The following CD300E variants were observed in gnomAD, a reference collection of about 807,000 sequenced individuals.
CD300E encodes the protein CD300e molecule, also known as CMRF35-like molecule 2.
In CD300E, 14 loss-of-function variants were observed where a neutral mutation model predicts 20.9. The observed-to-expected ratio is 0.67, with a 90% CI of 0.44 to 1.05. The LOEUF (loss-of-function observed/expected upper bound fraction) is 1.05. Ranked by LOEUF, CD300E falls within the 50% of genes least tolerant of loss-of-function variation. The probability of loss-of-function intolerance (pLI) is 0.00; values close to 1 mark genes in which losing one functional copy is unlikely to be tolerated. For missense variants in CD300E, 237 were observed against 253.9 expected, an observed-to-expected ratio of 0.93 and a Z score of 0.45; for synonymous variants, 102 against 103.7, an observed-to-expected ratio of 0.98 and a Z score of 0.10.
In CD300E at chr17:74,623,677, A is replaced by G. The variant is rs760947974; in HGVS notation, c.-56T>C. On this transcript the variant is annotated 5_prime_UTR_variant, in exon 1 of 4. Transcript: ENST00000392619. ...AAATCTAGGTCCCAGCTGGAATCCA[A>G]GTATATGTAACGGAGCCTGGGTCAT... The G allele has an allele frequency of 9.4e-6, 15 of 1,592,284 alleles. No homozygotes were observed. Among genetic ancestry groups the G allele is most frequent in the Admixed American group, 5.0e-5 (3 of 59,972 alleles).
chr17:74,613,237 T>C (rs2030823289), intron 3 of CD300E, among the ~76,000 whole-genome samples: 1 of 152,216 alleles, frequency 6.6e-6, no homozygotes, highest in Non-Finnish European at 1.5e-5. Context: ...CCTGAGTAGC[T>C]GGGACTACAG....
chr17:74,616,783 C>G (rs2030909708), intron 2 of CD300E, among the ~76,000 whole-genome samples: 1 of 152,144 alleles, frequency 6.6e-6, no homozygotes, highest in Non-Finnish European at 1.5e-5. Context: ...GAGGAGGCTG[C>G]AAATGTACAG....
chr17:74,609,898 A>C lies in CD300E; in HGVS notation c.*2755T>G, dbSNP rs1180905638. The C allele has an allele frequency of 6.6e-6, 1 of 152,274 alleles. No individual in the cohort carries two copies. Among genetic ancestry groups the C allele is most frequent in the East Asian group, 1.9e-4 (1 of 5,202 alleles). The allele number at this position is 152,274 out of a possible 1,614,324, so 9.4% of individuals were successfully genotyped here. A position where few individuals can be genotyped will look rare whatever the true frequency, so the allele number is the denominator to read the frequency against. Reference sequence around the variant, plus strand: ...CAATGCACCATAGACACACAATAAAAGTTTATTGAATGAATGAGTAAATAA... The same window carrying C: ...CAATGCACCATAGACACACAATAAACGTTTATTGAATGAATGAGTAAATAA... On this transcript the variant is annotated 3_prime_UTR_variant, in exon 4 of 4. Transcript: ENST00000392619.
intron 1 of CD300E, 43 bp downstream of exon 1, chr17:74,623,539 G>A: frequency 1.7e-5 from 27 of 1,606,744 alleles, no homozygotes; most frequent in Non-Finnish European, 2.2e-5. Flanking sequence ...CTACTGTCCT[G>A]CCCCCTGCAA....
rs983774362 is a variant in CD300E at position 74,609,927 on chromosome 17, G to GA, written c.*2725dup. 3.3e-5 allele frequency: 5 copies of GA among 152,076 alleles called. No individual in the cohort carries two copies. Among genetic ancestry groups the GA allele is most frequent in the Non-Finnish European group, 7.4e-5 (5 of 68,012 alleles). The allele number at this position is 152,076 out of a possible 1,614,324, so 9.4% of individuals were successfully genotyped here. ...TATTGAATGAATGAGTAAATAAAGG[G>GA]AAAAAAGAAAGGAAGAATAGGGGAA... is the stretch of plus-strand genomic sequence containing the variant. On this transcript the variant is annotated 3_prime_UTR_variant, in exon 4 of 4. Transcript: ENST00000392619.
intron 2 of CD300E, among the ~76,000 whole-genome samples, chr17:74,616,852 A>G (rs536747464): frequency 6.6e-6 from 1 of 152,186 alleles, no homozygotes; most frequent in Non-Finnish European, 1.5e-5. Flanking sequence ...GCTTTGGCTC[A>G]GCATGAAGGG....
At chr17:74,620,030 A>C (rs1446069331) in intron 1 of CD300E, among the ~76,000 whole-genome samples, 2 of 152,252 alleles carry the variant, frequency 1.3e-5, no homozygotes, top group African/African-American at 4.8e-5. Flanking sequence ...AAAAGACAGA[A>C]GATGGTTCTT....
Position 74,612,552 on chromosome 17 carries a change from T to G in CD300E, c.*101A>C. 1 of 1,476,822 alleles carries G rather than the reference T, an allele frequency of 6.8e-7. No homozygotes were observed. The highest frequency in any genetic ancestry group is 1.3e-5 in the South Asian group (1 of 79,626). 91.5% of individuals were successfully genotyped at this position (1,476,822 alleles called of 1,614,324 possible). On this transcript the variant is annotated 3_prime_UTR_variant, in exon 4 of 4. Coordinates refer to ENST00000392619, the MANE Select transcript of CD300E (RefSeq NM_181449.3). ...TTGAGGCACAGGAACAATAAATCCC[T>G]CCAGAGTCCACAGGTCTCTCGCATC...
intron 1 of CD300E, 116 bp from the exon 2 acceptor site, chr17:74,617,581 A>T (rs1207849852): frequency 1.2e-6 from 1 of 819,198 alleles, no homozygotes; most frequent in Non-Finnish European, 1.9e-6. Context: ...CTGGGAGGGG[A>T]ACCTGGAGGA....
intron 2 of CD300E, among the ~76,000 whole-genome samples, chr17:74,615,047 C>A (rs1041729814): frequency 1.3e-5 from 2 of 152,216 alleles, no homozygotes; most frequent in African/African-American, 2.4e-5. Flanking sequence ...ATGAGCCCCA[C>A]CCCGTTGGAG....
At chr17:74,612,829 TCTCTCCCCAC>T in intron 3 of CD300E, 56 bp from the exon 4 acceptor site, 1 of 1,599,876 alleles carries the variant, frequency 6.3e-7, no homozygotes, top group Non-Finnish European at 8.5e-7. Flanking sequence ...CCAGGACCCT[TCTCTCCCCAC>T]CTCTCCCCAT....
rs1171721321 is a variant in CD300E, at chr17:74,612,664, G to A, written c.607C>T (p.Pro203Ser). The change falls in exon 4 of 4, where the codon CCT becomes TCT. Residue 203 changes from proline to serine, a missense_variant. Pro to Ser is a moderately conservative substitution (Grantham distance 74). Transcript: ENST00000392619. Reference sequence around the variant, plus strand: ...GGGTCAGCCTGGCTCTATCTTCCAGGAGGAGCCCACTGAGGCCTGTTCACC... The same window carrying A: ...GGGTCAGCCTGGCTCTATCTTCCAGAAGGAGCCCACTGAGGCCTGTTCACC... Reference protein sequence around the residue: ...FWVNRPQWAPPGR With the variant: ...FWVNRPQWAPSGR 1 of 1,613,532 alleles carries A rather than the reference G, an allele frequency of 6.2e-7. No homozygotes were observed. Among genetic ancestry groups the A allele is most frequent in the African/African-American group, 1.3e-5 (1 of 74,892 alleles).
Position 74,614,034 on chromosome 17 carries a change from C to T in CD300E, c.389-1G>A. 1 of 1,612,316 alleles carries T rather than the reference C, an allele frequency of 6.2e-7. No individual in the cohort carries two copies. Among genetic ancestry groups the T allele is most frequent in the South Asian group, 1.1e-5 (1 of 90,998 alleles). ...GTGGTCCTCCTTGGGGTTGTAATTGCTGTTGGAGATGAAAATGATGCATCA... is the reference window on the plus strand; with the variant it reads ...GTGGTCCTCCTTGGGGTTGTAATTGTTGTTGGAGATGAAAATGATGCATCA... On this transcript the variant is annotated splice_acceptor_variant, in intron 2 of 3. Coordinates refer to ENST00000392619, the MANE Select transcript of CD300E (RefSeq NM_181449.3). LOFTEE classifies it high-confidence loss of function.
At chr17:74,613,743 ACAGCACAAGTGATATTTCCCACT>A (rs2030834404) in intron 3 of CD300E, among the ~76,000 whole-genome samples, 159 bp downstream of exon 3, 4 of 152,232 alleles carry the variant, frequency 2.6e-5, no homozygotes, top group Admixed American at 2.6e-4. Context: ...AAAGGCGTTC[ACAGCACAAGTGATATTTCCCACT>A]CAGCATCCAC....
chr17:74,612,603 C>T lies in CD300E; in HGVS notation c.*50G>A, dbSNP rs376276549. On this transcript the variant is annotated 3_prime_UTR_variant, in exon 4 of 4. Coordinates refer to ENST00000392619, the MANE Select transcript of CD300E (RefSeq NM_181449.3). ...CAGTCTGAAAGGTTGACTCCCTGCA[C>T]GGGGCACTCCTGGGGATGGGGCTCT... 5.2e-5 allele frequency: 83 copies of T among 1,602,458 alleles called. No individual in the cohort carries two copies. The highest frequency in any genetic ancestry group is 6.6e-5 in the Non-Finnish European group (78 of 1,176,146).
In CD300E at chr17:74,612,755, AG is replaced by A; in HGVS notation, c.515del (p.Pro172LeufsTer9). 1 of 1,613,860 alleles carries A rather than the reference AG, an allele frequency of 6.2e-7. No individual in the cohort carries two copies. Among genetic ancestry groups the A allele is most frequent in the Non-Finnish European group, 8.5e-7 (1 of 1,179,942 alleles). On this transcript the variant is annotated frameshift_variant, in exon 4 of 4. Coordinates refer to ENST00000392619, the MANE Select transcript of CD300E (RefSeq NM_181449.3). LOFTEE classifies it low-confidence loss of function (END_TRUNC). ...TCAGAAGGACCACGAGCAGGAAGTG[AG>A]GGCTGCTGAGCCGGAACCTGTGGTG... is the stretch of plus-strand genomic sequence containing the variant. ...TQNSGFRLSSPHFLLVVLLKL... is the reference protein window; with the variant it reads ...TQNSGFRLSSXHFLLVVLLKL...
At chr17:74,620,198 G>A (rs1201403402) in intron 1 of CD300E, among the ~76,000 whole-genome samples, 6 of 152,192 alleles carry the variant, frequency 3.9e-5, no homozygotes, top group Non-Finnish European at 8.8e-5. Context: ...TTGGCCGGGT[G>A]TGGTGCCTCA....
intron 1 of CD300E, among the ~76,000 whole-genome samples, chr17:74,621,077 A>G (rs1403253250): frequency 2.0e-5 from 3 of 152,184 alleles, no homozygotes; most frequent in African/African-American, 7.2e-5. Flanking sequence ...GGAAAGAAAA[A>G]GATGAGATAA....
Position 74,614,002 on chromosome 17 carries a change from TG to T in CD300E, c.419del (p.Pro140GlnfsTer10). On this transcript the variant is annotated frameshift_variant, in exon 3 of 4. Coordinates refer to ENST00000392619, the MANE Select transcript of CD300E (RefSeq NM_181449.3). LOFTEE classifies it high-confidence loss of function. ...AITTPRRTTH[P>X]ATPPIFLVVN... ...CCACCAGGAAGATGGGAGGTGTGGC[TG>T]GATGTGTGGTCCTCCTTGGGGTTGT... 6.2e-7 allele frequency: 1 copy of T among 1,614,006 alleles called. No homozygotes were observed. The highest frequency in any genetic ancestry group is 1.1e-5 in the South Asian group (1 of 91,076).
Sources: gnomAD v4.1 joint callset for allele counts (sites outside exome capture counted in the v4.1 genomes callset) on GRCh38, gnomAD v4.1.1 for gene constraint, MANE v1.5 for transcripts, NCBI Gene and HGNC (gene_info 2026-07-23, HGNC 2026-07-21) for gene names.